GPC5: variants seen among roughly 807,000 people sequenced by gnomAD.
GPC5 encodes glypican-5.
A neutral mutation model predicts 53.9 loss-of-function variants in GPC5; 47 were observed. That is an observed-to-expected ratio of 0.87 (90% CI 0.69 to 1.11). The LOEUF is 1.11. Among genes scored for constraint, GPC5 ranks in the 50% most tolerant of loss-of-function variants. The pLI is 0.00. For missense variants in GPC5, 748 were observed against 713.1 expected (o/e 1.05, Z -0.56); for synonymous variants, 286 against 263.3 (o/e 1.09, Z -0.84).
At chr13:92,198,290 T>A (rs186019598) in intron 7 of GPC5, among the ~76,000 whole-genome samples, 6 of 152,342 alleles carry the variant, frequency 3.9e-5, no homozygotes, top group Non-Finnish European at 7.3e-5. Context: ...GGTGCTACAT[T>A]CCTCTATATC....
intron 5 of GPC5, among the ~76,000 whole-genome samples, chr13:91,790,960 G>A (rs1273685821): frequency 3.9e-5 from 6 of 152,068 alleles, no homozygotes; most frequent in Non-Finnish European, 8.8e-5. Context: ...TAAAAATCTC[G>A]GTGTGAATGA....
At chr13:92,377,286 C>T (rs1302285703) in intron 7 of GPC5, among the ~76,000 whole-genome samples, 1 of 152,168 alleles carries the variant, frequency 6.6e-6, no homozygotes, top group African/African-American at 2.4e-5. Context: ...AAGATTAGTA[C>T]ACTGTTTAGT....
chr13:91,683,499 A>G (rs1229185101), intron 2 of GPC5, among the ~76,000 whole-genome samples: 1 of 152,074 alleles, frequency 6.6e-6, no homozygotes, highest in Admixed American at 6.5e-5. Flanking sequence ...TTTTGCTCCT[A>G]TGCTCCCCTG....
chr13:92,629,843 T>C (rs1885177338), intron 7 of GPC5, among the ~76,000 whole-genome samples: 1 of 152,086 alleles, frequency 6.6e-6, no homozygotes, highest in Non-Finnish European at 1.5e-5. Flanking sequence ...ATATTGACAA[T>C]ATAATGCAGA....
At position 91,937,141 on chromosome 13, in the gene GPC5, G is replaced by C. The variant is rs181452705; in HGVS notation, c.1401+29084G>C. On this transcript the variant is annotated intron_variant, in intron 6 of 7. Coordinates refer to ENST00000377067, the MANE Select transcript of GPC5 (RefSeq NM_004466.6). ...AATGACAAATCTTTGATTTCTCTAT[G>C]CCTATGACCCTTGACAAAGAAGGCA... 1.5e-3 allele frequency among the ~76,000 whole-genome samples: 223 copies of C among 152,076 alleles called. 1 individual carries two copies. The Middle Eastern group carries it at 0.055, about 37-fold the overall frequency.
chr13:92,148,965 T>C (rs1353734828), intron 7 of GPC5, among the ~76,000 whole-genome samples: 1 of 152,102 alleles, frequency 6.6e-6, no homozygotes, highest in Non-Finnish European at 1.5e-5. Flanking sequence ...TTACAATTCT[T>C]ATGTGATCTT....
intron 7 of GPC5, among the ~76,000 whole-genome samples, chr13:92,803,376 G>A (rs1876978037): frequency 6.6e-6 from 1 of 151,858 alleles, no homozygotes; most frequent in Non-Finnish European, 1.5e-5. Context: ...CTACTTTCTT[G>A]CCTCAAGATA....
chr13:91,525,603 G>A (rs1305981319), intron 2 of GPC5, among the ~76,000 whole-genome samples: 1 of 152,166 alleles, frequency 6.6e-6, no homozygotes, highest in Non-Finnish European at 1.5e-5. Flanking sequence ...AGAGGTATGG[G>A]ATAAACTGGT....
chr13:91,883,190 G>A (rs1269322564), intron 5 of GPC5, among the ~76,000 whole-genome samples: 1 of 152,082 alleles, frequency 6.6e-6, no homozygotes, highest in African/African-American at 2.4e-5. Flanking sequence ...TCAGATGGGA[G>A]GGACTCTTAG....
intron 7 of GPC5, among the ~76,000 whole-genome samples, chr13:92,811,532 T>C (rs2138798996): frequency 1.3e-5 from 2 of 152,106 alleles, no homozygotes; most frequent in East Asian, 3.9e-4. Context: ...CATTATCAGA[T>C]ATTAGATTTA....
At chr13:92,862,413 C>T (rs1243575940) in intron 7 of GPC5, among the ~76,000 whole-genome samples, 1 of 152,034 alleles carries the variant, frequency 6.6e-6, no homozygotes, top group Admixed American at 6.6e-5. Flanking sequence ...ATTTTGACTT[C>T]ATTATTAACT....
intron 2 of GPC5, among the ~76,000 whole-genome samples, chr13:91,523,604 A>G (rs2139375762): frequency 6.6e-6 from 1 of 152,314 alleles, no homozygotes; most frequent in East Asian, 1.9e-4. Flanking sequence ...ACTGTGGTCA[A>G]AGTTTTAGTT....
At chr13:91,922,791 G>T (rs533971918) in intron 6 of GPC5, among the ~76,000 whole-genome samples, 2 of 152,208 alleles carry the variant, frequency 1.3e-5, no homozygotes, top group Non-Finnish European at 2.9e-5. Context: ...CACTGTTCTT[G>T]ATTATTTCTG....
chr13:91,584,060 G>T (rs1358362322), intron 2 of GPC5, among the ~76,000 whole-genome samples: 1 of 152,130 alleles, frequency 6.6e-6, no homozygotes, highest in Non-Finnish European at 1.5e-5. Flanking sequence ...CTTGTAAGAA[G>T]TGGAAATTGG....
intron 7 of GPC5, among the ~76,000 whole-genome samples, chr13:92,201,158 T>G (rs1433020305): frequency 6.6e-6 from 1 of 152,218 alleles, no homozygotes; most frequent in Admixed American, 6.5e-5. Context: ...ATGATCTTTA[T>G]TCTGTAAAAG....
chr13:91,534,089 G>A (rs909020656), intron 2 of GPC5, among the ~76,000 whole-genome samples: 3 of 152,016 alleles, frequency 2.0e-5, no homozygotes, highest in Non-Finnish European at 4.4e-5. Flanking sequence ...GTCTTGGAAG[G>A]CCATTATAGA....
At chr13:91,981,688 C>T (rs2138717608) in intron 6 of GPC5, among the ~76,000 whole-genome samples, 1 of 152,220 alleles carries the variant, frequency 6.6e-6, no homozygotes, top group South Asian at 2.1e-4. Flanking sequence ...ATCCTTATCA[C>T]CTAAACTAGT....
intron 2 of GPC5, among the ~76,000 whole-genome samples, chr13:91,582,356 A>C (rs1566526633): frequency 6.6e-6 from 1 of 152,236 alleles, no homozygotes; most frequent in Non-Finnish European, 1.5e-5. Flanking sequence ...TAATATCATC[A>C]CAGGCTTCAA....
chr13:92,847,627 C>T lies in GPC5; in HGVS notation c.1562-18655C>T, dbSNP rs1878655813. On this transcript the variant is annotated intron_variant, in intron 7 of 7. Transcript: ENST00000377067. ...CCTGGGGAACCATGAGCCATTAAAC[C>T]TTTTTTTTTTTTAATAAATTACCCA... Among the ~76,000 whole-genome samples the T allele has an allele frequency of 2.1e-5, 3 of 145,148 alleles. No individual in the cohort carries two copies. In the East Asian group the frequency reaches 6.0e-4, roughly 29 times the overall value.
Sources: allele counts gnomAD v4.1 joint callset (sites outside exome capture counted in the v4.1 genomes callset), GRCh38; gene constraint gnomAD v4.1.1; transcripts MANE v1.5; gene names NCBI Gene and HGNC (gene_info 2026-07-23, HGNC 2026-07-21).